PLA2G5: variants seen among roughly 807,000 people sequenced by gnomAD.
PLA2G5 encodes Ca2+-dependent phospholipase A2.
A neutral mutation model predicts 15.9 loss-of-function variants in PLA2G5; 12 were observed. That is an observed-to-expected ratio of 0.76 (90% confidence interval 0.48 to 1.23). PLA2G5 has a LOEUF of 1.23. PLA2G5 is among the 50% of genes most tolerant of loss of function. PLA2G5 has a pLI of 0.00. For missense variants in PLA2G5, 169 were observed against 177.1 expected (o/e 0.95, Z 0.26); for synonymous variants, 71 against 71.4 (o/e 0.99, Z 0.03).
chr1:20,060,466 TG>T (rs769214498), intron 2 of PLA2G5, among the ~76,000 whole-genome samples: 3 of 152,026 alleles, frequency 2.0e-5, no homozygotes, highest in Non-Finnish European at 4.4e-5. Context: ...TTGATCAGGC[TG>T]GTCTGAAACT....
chr1:20,059,066 C>G (rs148909724), intron 1 of PLA2G5, among the ~76,000 whole-genome samples: 2 of 136,974 alleles, frequency 1.5e-5, no homozygotes, highest in African/African-American at 2.8e-5. Context: ...CCCAGCTACT[C>G]AGGAGGCTGA....
intron 1 of PLA2G5, among the ~76,000 whole-genome samples, chr1:20,035,846 C>A (rs1439686734): frequency 6.6e-6 from 1 of 151,972 alleles, no homozygotes; most frequent in African/African-American, 2.4e-5. Context: ...GGGATTTATG[C>A]TTTAAGAAGG....
At chr1:20,072,941 G>C (rs561074354) in intron 1 of PLA2G5, among the ~76,000 whole-genome samples, 13 of 152,192 alleles carry the variant, frequency 8.5e-5, no homozygotes, top group African/African-American at 1.2e-4. Context: ...TTTGGTCCTC[G>C]TAGTGCCTAA....
chr1:20,041,936 C>T (rs1259207650), intron 1 of PLA2G5, among the ~76,000 whole-genome samples: 1 of 152,148 alleles, frequency 6.6e-6, no homozygotes, highest in Non-Finnish European at 1.5e-5. Context: ...CTTTTGATGG[C>T]CCTTGCAGTG....
chr1:20,080,421 A>G (rs997722426), intron 1 of PLA2G5, among the ~76,000 whole-genome samples: 3 of 152,122 alleles, frequency 2.0e-5, no homozygotes, highest in African/African-American at 7.2e-5. Flanking sequence ...GTCTCTACTA[A>G]AAATACAAAA....
chr1:20,069,305 G>A (rs1420945691), upstream of PLA2G5, among the ~76,000 whole-genome samples: 2 of 152,138 alleles, frequency 1.3e-5, no homozygotes, highest in Non-Finnish European at 2.9e-5. Flanking sequence ...GAAGCAATAG[G>A]CAAATCCAAA....
Position 20,070,239 on chromosome 1 carries a change from G to A in PLA2G5, c.-237G>A, listed in dbSNP as rs1373208330. On this transcript the variant is annotated 5_prime_UTR_variant, in exon 1 of 5. Transcript: ENST00000375108. ...TCTACCCGGCTGGGTCCAGGCAGAA[G>A]TTTTTCCTCCCCACCTCCGGGTTTG... is the stretch of plus-strand genomic sequence containing the variant. 3 of 985,302 alleles carry A rather than the reference G, an allele frequency of 3.0e-6. No homozygotes were observed. Among genetic ancestry groups the A allele is most frequent in the African/African-American group, 3.5e-5 (2 of 57,074 alleles). The allele number at this position is 985,302 out of a possible 1,614,324, so 61.0% of individuals were successfully genotyped here.
intron 1 of PLA2G5, among the ~76,000 whole-genome samples, chr1:20,048,182 G>C (rs2014012088): frequency 6.6e-6 from 1 of 151,648 alleles, no homozygotes; most frequent in African/African-American, 2.4e-5. Context: ...TAGTTTATCA[G>C]GAAAAAAGAA....
intron 1 of PLA2G5, among the ~76,000 whole-genome samples, chr1:20,033,886 C>G (rs987620461): frequency 2.0e-5 from 3 of 151,940 alleles, no homozygotes; most frequent in African/African-American, 4.8e-5. Flanking sequence ...GGAGCTTGGC[C>G]AGCAAGCTAA....
At chr1:20,070,193 C>T (rs2015278183), upstream of PLA2G5, 1 of 985,438 alleles carries the variant, frequency 1.0e-6, no homozygotes, top group Non-Finnish European at 1.2e-6. Flanking sequence ...TCTGCAAAGG[C>T]AGTCGGGGGC....
intron 1 of PLA2G5, among the ~76,000 whole-genome samples, chr1:20,039,579 GC>G (rs1256488188): frequency 6.6e-6 from 1 of 152,018 alleles, no homozygotes. Context: ...TCTCCTTATT[GC>G]AATTTACTTA....
At chr1:20,072,607 G>A (rs982881273) in intron 1 of PLA2G5, among the ~76,000 whole-genome samples, 1 of 152,190 alleles carries the variant, frequency 6.6e-6, no homozygotes, top group Admixed American at 6.5e-5. Flanking sequence ...CAAGGCTGGC[G>A]TAGGTTGGGG....
intron 1 of PLA2G5, among the ~76,000 whole-genome samples, chr1:20,082,478 C>T (rs1484285087): frequency 6.6e-6 from 1 of 151,960 alleles, no homozygotes; most frequent in East Asian, 1.9e-4. Flanking sequence ...TGAGCCCACT[C>T]ACCCAGCTCC....
At chr1:20,032,885 A>G (rs980995611) in intron 1 of PLA2G5, among the ~76,000 whole-genome samples, 1 of 152,164 alleles carries the variant, frequency 6.6e-6, no homozygotes, top group African/African-American at 2.4e-5. Flanking sequence ...TGGTTTTGGC[A>G]TTTGTAGCCT....
chr1:20,086,009 G>T, intron 2 of PLA2G5, 74 bp from the exon 3 acceptor site: 1 of 1,500,954 alleles, frequency 6.7e-7, no homozygotes, highest in South Asian at 1.2e-5. Flanking sequence ...GAAAGGGTAG[G>T]AGATGTTGGG....
chr1:20,045,998 C>A (rs925319144), intron 1 of PLA2G5: 4 of 152,006 alleles, frequency 2.6e-5, no homozygotes, highest in African/African-American at 9.7e-5. Flanking sequence ...ACAAGGAAAG[C>A]AAGATTTCCT....
chr1:20,084,791 A>G (rs923202425), intron 1 of PLA2G5, 30 bp from the exon 2 acceptor site: 5 of 1,526,838 alleles, frequency 3.3e-6, no homozygotes, highest in Non-Finnish European at 3.6e-6. Context: ...TGCCTGATAG[A>G]TCTGTTGTGG....
At chr1:20,029,465 C>T (rs2012781947) in intron 1 of PLA2G5, among the ~76,000 whole-genome samples, 1 of 152,204 alleles carries the variant, frequency 6.6e-6, no homozygotes, top group East Asian at 1.9e-4. Context: ...ATCTGCTCCT[C>T]TTGACGTGCA....
chr1:20,076,146 C>A (rs1252266841), intron 1 of PLA2G5, among the ~76,000 whole-genome samples: 1 of 152,200 alleles, frequency 6.6e-6, no homozygotes, highest in Non-Finnish European at 1.5e-5. Context: ...GCTGGTATTA[C>A]AGGCATGAGC....
Sources: allele counts gnomAD v4.1 joint callset (sites outside exome capture counted in the v4.1 genomes callset), GRCh38; gene constraint gnomAD v4.1.1; transcripts MANE v1.5; gene names NCBI Gene and HGNC (gene_info 2026-07-23, HGNC 2026-07-21).